Variants in PDE10A observed in about 807,000 individuals in gnomAD.
The protein encoded by PDE10A is cAMP and cAMP-inhibited cGMP 3',5'-cyclic phosphodiesterase 10A.
In PDE10A, 39 loss-of-function variants were observed where a neutral mutation model predicts 97.7. The observed-to-expected ratio is 0.40, with a 90% CI of 0.31 to 0.52. The LOEUF (loss-of-function observed/expected upper bound fraction) is 0.52, where lower values mean the gene tolerates loss of function less well. Ranked by LOEUF, PDE10A falls within the 20% of genes least tolerant of loss-of-function variation. PDE10A has a pLI of 0.56. For missense variants in PDE10A, 731 were observed against 1,047.8 expected (o/e 0.70, Z 4.17); for synonymous variants, 371 against 376.8 (o/e 0.98, Z 0.18).
chr6:165,665,403 A>G (rs1216786881), upstream of PDE10A, among the ~76,000 whole-genome samples: 9 of 152,178 alleles, frequency 5.9e-5, no homozygotes, highest in Admixed American at 2.6e-4. Flanking sequence ...CTTTACTGAT[A>G]TATCAGAAGG....
In PDE10A at chr6:165,372,966, C is replaced by T. The variant is rs1223960599; in HGVS notation, c.2783+6228G>A. 3.4e-5 allele frequency among the ~76,000 whole-genome samples: 5 copies of T among 147,496 alleles called. No individual in the cohort carries two copies. The Admixed American group carries it at 3.4e-4, about 10-fold the overall frequency. On this transcript the variant is annotated intron_variant, in intron 18 of 21. Coordinates refer to ENST00000539869, the MANE Select transcript of PDE10A (RefSeq NM_001385079.1). Reference sequence around the variant, plus strand: ...TGATCTTTGACAAACCTGACAAAAACAAGAAATGGGGAAAGGATTCCCTAT... The same window carrying T: ...TGATCTTTGACAAACCTGACAAAAATAAGAAATGGGGAAAGGATTCCCTAT...
intron 1 of PDE10A, among the ~76,000 whole-genome samples, chr6:165,750,484 G>A (rs1792972276): frequency 6.6e-6 from 1 of 152,126 alleles, no homozygotes; most frequent in Non-Finnish European, 1.5e-5. Flanking sequence ...TCTCCCACCT[G>A]AGACAAGCAC....
At chr6:165,951,534 C>T (rs1455735185) in intron 1 of PDE10A, among the ~76,000 whole-genome samples, 4 of 152,140 alleles carry the variant, frequency 2.6e-5, no homozygotes, top group Admixed American at 2.0e-4. Flanking sequence ...AGCAGAGCGA[C>T]ATCCAGCTTC....
intron 18 of PDE10A, among the ~76,000 whole-genome samples, chr6:165,358,895 T>G (rs1443975582): frequency 6.6e-6 from 1 of 151,272 alleles, no homozygotes; most frequent in Non-Finnish European, 1.5e-5. Context: ...CAAATCTCTT[T>G]TTTTTACTCT....
chr6:165,652,850 G>T (rs548504105), intron 1 of PDE10A, among the ~76,000 whole-genome samples: 146 of 152,270 alleles, frequency 9.6e-4, no homozygotes, highest in African/African-American at 3.4e-3. Flanking sequence ...TTTCATCAAA[G>T]TAAAAAGCTT....
At position 165,870,774 on chromosome 6, in the gene PDE10A, T is replaced by TA. The variant is rs543320952; in HGVS notation, c.-615+116754dup. 1.8e-4 allele frequency among the ~76,000 whole-genome samples: 27 copies of TA among 152,180 alleles called. 1 individual carries two copies. In the South Asian group the frequency reaches 5.4e-3, roughly 30 times the overall value. ...TACACAATGGAATATTATTCAGCCA[T>TA]AAAAAAACAAAATCTTGCCATTTGT... On this transcript the variant is annotated intron_variant, in intron 1 of 19. Transcript: ENST00000366882.
intron 1 of PDE10A, among the ~76,000 whole-genome samples, chr6:165,742,461 G>A (rs1438540641): frequency 2.0e-5 from 3 of 152,004 alleles, no homozygotes; most frequent in East Asian, 1.9e-4. Context: ...GAGTCATCCC[G>A]AGTCCCACCC....
chr6:165,783,166 T>A (rs543316336), intron 1 of PDE10A, among the ~76,000 whole-genome samples: 12 of 152,340 alleles, frequency 7.9e-5, no homozygotes, highest in Admixed American at 7.8e-4. Context: ...ATTGAGTAGA[T>A]GCTATGCCTG....
At chr6:165,727,449 G>C (rs1438912300) in intron 1 of PDE10A, among the ~76,000 whole-genome samples, 1 of 152,198 alleles carries the variant, frequency 6.6e-6, no homozygotes, top group East Asian at 1.9e-4. Flanking sequence ...AAAAGACAAG[G>C]CTAGATGCCT....
intron 1 of PDE10A, among the ~76,000 whole-genome samples, chr6:165,865,552 T>C (rs138350131): frequency 6.6e-6 from 1 of 152,036 alleles, no homozygotes; most frequent in Non-Finnish European, 1.5e-5. Flanking sequence ...AACCAAATCA[T>C]GATCTGAATT....
At chr6:165,636,692 G>A (rs1788894205) in intron 1 of PDE10A, among the ~76,000 whole-genome samples, 1 of 152,178 alleles carries the variant, frequency 6.6e-6, no homozygotes, top group Non-Finnish European at 1.5e-5. Context: ...TGCAAAAACT[G>A]GATAGACTGT....
intron 1 of PDE10A, among the ~76,000 whole-genome samples, chr6:165,587,984 C>T (rs1786015428): frequency 6.6e-6 from 1 of 152,116 alleles, no homozygotes; most frequent in Non-Finnish European, 1.5e-5. Flanking sequence ...TTTTTGTTAC[C>T]ACTCCAATAA....
At chr6:165,652,316 G>C (rs1354336806) in intron 1 of PDE10A, among the ~76,000 whole-genome samples, 1 of 151,532 alleles carries the variant, frequency 6.6e-6, no homozygotes, top group East Asian at 1.9e-4. Flanking sequence ...CAGTGCAATG[G>C]TGTGATCATG....
chr6:165,593,306 G>A (rs1786391981), intron 1 of PDE10A, among the ~76,000 whole-genome samples: 1 of 152,100 alleles, frequency 6.6e-6, no homozygotes. Context: ...TCATGGGGTG[G>A]GGGTTAAGGG....
At chr6:165,719,040 A>G (rs115097751) in intron 1 of PDE10A, among the ~76,000 whole-genome samples, 1,594 of 152,286 alleles carry the variant, frequency 0.01, 30 homozygotes, top group African/African-American at 0.037. Context: ...AAAATGGAAT[A>G]TTACAAATTT....
At chr6:165,446,863 A>C (rs1482582371) in intron 5 of PDE10A, among the ~76,000 whole-genome samples, 1 of 152,156 alleles carries the variant, frequency 6.6e-6, no homozygotes, top group African/African-American at 2.4e-5. Flanking sequence ...AGAGAGAAGC[A>C]TGCCCAGTAA....
chr6:165,907,797 C>T (rs1782337590), intron 1 of PDE10A, among the ~76,000 whole-genome samples: 1 of 148,630 alleles, frequency 6.7e-6, no homozygotes, highest in South Asian at 2.1e-4. Flanking sequence ...GCGCCCAGAG[C>T]AGCATGGGTG....
intron 2 of PDE10A, among the ~76,000 whole-genome samples, chr6:165,499,866 A>G (rs923057246): frequency 1.3e-5 from 2 of 152,198 alleles, no homozygotes; most frequent in African/African-American, 4.8e-5. Context: ...CCCAGTGATT[A>G]AACACATAGG....
At chr6:165,730,750 C>CAAAAAAA (rs778744017) in intron 1 of PDE10A, among the ~76,000 whole-genome samples, 3 of 122,116 alleles carry the variant, frequency 2.5e-5, no homozygotes, top group Non-Finnish European at 3.3e-5. Flanking sequence ...GAGATTCCAC[C>CAAAAAAA]AAAAAAAAAA....
Sources: allele counts gnomAD v4.1 joint callset (sites outside exome capture counted in the v4.1 genomes callset), GRCh38; gene constraint gnomAD v4.1.1; transcripts MANE v1.5; gene names NCBI Gene and HGNC (gene_info 2026-07-23, HGNC 2026-07-21).